Variants in SGO1 observed in about 807,000 individuals in gnomAD.
SGO1 encodes serologically defined breast cancer antigen NY-BR-85.
In SGO1, 39 loss-of-function variants were observed where a neutral mutation model predicts 50.5. The ratio of observed to expected loss-of-function variants is 0.77; its 90% CI spans 0.60 to 1.01. The LOEUF (loss-of-function observed/expected upper bound fraction) is 1.01, where lower values mean the gene tolerates loss of function less well. Among genes scored for constraint, SGO1 ranks in the 50% least tolerant of loss-of-function variants. The probability of loss-of-function intolerance (pLI) is 0.00; values close to 1 mark genes in which losing one functional copy is unlikely to be tolerated. For missense variants in SGO1, 638 were observed against 606.0 expected, an observed-to-expected ratio of 1.05 and a Z score of -0.55; for synonymous variants, 191 against 205.1, an observed-to-expected ratio of 0.93 and a Z score of 0.59.
chr3:20,178,677 G>A (rs1701670682), intron 3 of SGO1, among the ~76,000 whole-genome samples: 1 of 152,214 alleles, frequency 6.6e-6, no homozygotes, highest in South Asian at 2.1e-4. Flanking sequence ...ATATAAATCA[G>A]AAGACTGCAA....
intron 3 of SGO1, among the ~76,000 whole-genome samples, chr3:20,179,246 T>C (rs1701744553): frequency 6.6e-6 from 1 of 152,214 alleles, no homozygotes; most frequent in African/African-American, 2.4e-5. Flanking sequence ...GAAGTTGTGC[T>C]TTATATAAGG....
At chr3:20,186,311 A>T (rs538791687), upstream of SGO1, 2 of 152,234 alleles carry the variant, frequency 1.3e-5, no homozygotes, top group East Asian at 1.9e-4. Context: ...CCGCCAGGCG[A>T]CGTCACGTGA....
rs555981602 is a variant in SGO1 at position 20,178,392 on chromosome 3, A to G, written c.340-45T>C. The G allele has an allele frequency of 5.7e-5, 78 of 1,362,376 alleles. 1 individual carries two copies. The South Asian group carries it at 9.0e-4, about 16-fold the overall frequency. 84.4% of individuals were successfully genotyped at this position (1,362,376 alleles called of 1,614,324 possible). On this transcript the variant is annotated intron_variant, in intron 3 of 7. Transcript: ENST00000412997. ...AAACACTGTTATAACTGAAGTATTC[A>G]CAAGAAAGCATTAATTTATTCAACA...
intron 7 of SGO1, 97 bp downstream of exon 7, chr3:20,170,946 A>C (rs1700658809): frequency 2.0e-6 from 3 of 1,463,598 alleles, no homozygotes; most frequent in Non-Finnish European, 2.7e-6. Context: ...TCAAATGTTT[A>C]TATTTCAGAA....
Position 20,171,088 on chromosome 3 carries a change from C to A in SGO1, c.1427G>T (p.Arg476Leu), listed in dbSNP as rs551612239. Reference protein sequence around the residue: ...KASPAVALPKRRCTASVNYKE... With the variant: ...KASPAVALPKLRCTASVNYKE... Reference sequence around the variant, plus strand: ...ATAGTTCACGCTGGCTGTGCACCTACGTTTAGGCAGAGCCACTGCTGGGCT... The same window carrying A: ...ATAGTTCACGCTGGCTGTGCACCTAAGTTTAGGCAGAGCCACTGCTGGGCT... The change falls in exon 7 of 8, where the codon CGT becomes CTT. Residue 476 changes from arginine (R) to leucine (L), a missense_variant. Transcript: ENST00000412997. 2 of 1,610,064 alleles carry A rather than the reference C, an allele frequency of 1.2e-6. No homozygotes were observed. Among genetic ancestry groups the A allele is most frequent in the Admixed American group, 3.4e-5 (2 of 58,906 alleles).
At chr3:20,165,368 C>T (rs754810816), downstream of SGO1, among the ~76,000 whole-genome samples, 9 of 152,148 alleles carry the variant, frequency 5.9e-5, no homozygotes, top group Non-Finnish European at 1.2e-4. Context: ...CCCAGCAACA[C>T]TGGGGATCAG....
At position 20,183,645 on chromosome 3, in the gene SGO1, C is replaced by G. The variant is rs749861503; in HGVS notation, c.302G>C (p.Gly101Ala). The G allele has an allele frequency of 6.3e-7, 1 of 1,599,614 alleles. No individual in the cohort carries two copies. The highest frequency in any genetic ancestry group is 8.5e-7 in the Non-Finnish European group (1 of 1,176,244). The change falls in exon 3 of 8, where the codon GGA becomes GCA. Residue 101 changes from glycine (G) to alanine (A), a missense_variant. Gly to Ala is a moderately conservative substitution (Grantham distance 60, BLOSUM62 0). Transcript: ENST00000412997. The stretch of plus-strand genomic sequence containing the variant: ...TACTGTTTGTTGTGATGTAAGTTTT[C>G]CTTTCAATGCATATAGCTGACATGT... ...YLTCQLYALK[G>A]KLTSQQTVEP...
At chr3:20,163,148 A>G (rs903558802) in intron 8 of SGO1, among the ~76,000 whole-genome samples, 2 of 152,152 alleles carry the variant, frequency 1.3e-5, no homozygotes, top group African/African-American at 4.8e-5. Context: ...AATAAAAAAG[A>G]GAGAAATCAC....
Position 20,171,231 on chromosome 3 carries a change from A to G in SGO1, c.1284T>C (p.Thr428=), listed in dbSNP as rs1387627868. 6.4e-7 allele frequency: 1 copy of G among 1,558,282 alleles called. No homozygotes were observed. The highest frequency in any genetic ancestry group is 8.6e-7 in the Non-Finnish European group (1 of 1,161,132). ...GTGACTGCTGAGTTTCAGGTGGTGTAGCTACAAAACAATTTTTACTGAATA... is the reference window on the plus strand; with the variant it reads ...GTGACTGCTGAGTTTCAGGTGGTGTGGCTACAAAACAATTTTTACTGAATA... ...EGSKPTKTPT[T]TPPETQQSPH... The change falls in exon 7 of 8, where the codon ACT becomes ACC. Residue 428 remains threonine, a splice_region_variant and synonymous_variant. Coordinates refer to ENST00000412997, the MANE Select transcript of SGO1 (RefSeq NM_001199251.3).
At chr3:20,166,929 C>T (rs1700337167), downstream of SGO1, among the ~76,000 whole-genome samples, 1 of 149,876 alleles carries the variant, frequency 6.7e-6, no homozygotes, top group Admixed American at 6.7e-5. Flanking sequence ...ATCCTTTGAA[C>T]CCAGGAGTTT....
Position 20,170,556 on chromosome 3 carries a change from T to C in SGO1, c.*148A>G, listed in dbSNP as rs139302138. On this transcript the variant is annotated 3_prime_UTR_variant, in exon 8 of 8. Transcript: ENST00000412997. ...AATACAAAGCATCCCATTTGAAGTA[T>C]AGTTCTGAAGAAATGTTTATGAGCT... 437 of 1,286,060 alleles carry C rather than the reference T, an allele frequency of 3.4e-4. 2 individuals carry two copies. In the African/African-American group the frequency reaches 5.7e-3, roughly 17 times the overall value. 79.7% of individuals were successfully genotyped at this position (1,286,060 alleles called of 1,614,324 possible). A position where few individuals can be genotyped will look rare whatever the true frequency, so the allele number is the denominator to read the frequency against.
chr3:20,171,208 G>A lies in SGO1; in HGVS notation c.1307C>T (p.Ser436Leu). 2 of 1,597,318 alleles carry A rather than the reference G, an allele frequency of 1.3e-6. No individual in the cohort carries two copies. Among genetic ancestry groups the A allele is most frequent in the Non-Finnish European group, 1.7e-6 (2 of 1,174,678 alleles). Residue 436 changes from serine to leucine, a missense_variant, in exon 7 of 8, where the codon TCA (serine) becomes TTA (leucine). Coordinates refer to ENST00000412997, the MANE Select transcript of SGO1 (RefSeq NM_001199251.3). ...GATATCCTTCAGGCTAAGATGAGGT[G>A]ACTGCTGAGTTTCAGGTGGTGTAGC... Reference protein sequence around the residue: ...PTTTPPETQQSPHLSLKDITN... With the variant: ...PTTTPPETQQLPHLSLKDITN...
chr3:20,178,233 T>C, intron 4 of SGO1, 38 bp downstream of exon 4: 1 of 1,371,818 alleles, frequency 7.3e-7, no homozygotes, highest in Non-Finnish European at 1.0e-6. Flanking sequence ...TAAACCTTTC[T>C]TAGTATTAAT....
At chr3:20,162,815 A>G (rs1167230495) in intron 8 of SGO1, among the ~76,000 whole-genome samples, 1 of 151,834 alleles carries the variant, frequency 6.6e-6, no homozygotes, top group East Asian at 1.9e-4. Context: ...AAAAAAATAC[A>G]ATATCATGAC....
intron 8 of SGO1, among the ~76,000 whole-genome samples, chr3:20,162,088 A>G (rs1417866404): frequency 6.6e-6 from 1 of 152,192 alleles, no homozygotes; most frequent in Non-Finnish European, 1.5e-5. Context: ...GAGGCCGCAG[A>G]TGTAGAATTT....
chr3:20,165,212 A>G (rs571930684), downstream of SGO1, among the ~76,000 whole-genome samples: 4 of 152,328 alleles, frequency 2.6e-5, no homozygotes, highest in African/African-American at 9.6e-5. Flanking sequence ...AGGAAGCAAG[A>G]GAGAAGTGGC....
intron 8 of SGO1, among the ~76,000 whole-genome samples, chr3:20,162,521 A>G (rs183092373): frequency 2.0e-4 from 30 of 152,344 alleles, no homozygotes; most frequent in African/African-American, 7.2e-4. Flanking sequence ...AGAATACAAG[A>G]AGATATAGCT....
chr3:20,167,795 A>G (rs35653656), downstream of SGO1, among the ~76,000 whole-genome samples: 15,760 of 152,222 alleles, frequency 0.1, 886 homozygotes, highest in Middle Eastern at 0.17. Context: ...TTAAAGTTCA[A>G]TATACTCTAC....
At chr3:20,171,818 A>C (rs1175712318) in intron 6 of SGO1, among the ~76,000 whole-genome samples, 3 of 152,206 alleles carry the variant, frequency 2.0e-5, no homozygotes, top group African/African-American at 7.2e-5. Context: ...CCAGGAGAAA[A>C]GCTAGCATGT....
Sources: gnomAD v4.1 joint callset for allele counts (sites outside exome capture counted in the v4.1 genomes callset) on GRCh38, gnomAD v4.1.1 for gene constraint, MANE v1.5 for transcripts, NCBI Gene and HGNC (gene_info 2026-07-23, HGNC 2026-07-21) for gene names.